Variants in NELL2 observed in about 807,000 individuals in gnomAD.
NELL2 encodes the protein neural EGFL like 2.
NELL2 carries 41 observed loss-of-function variants against 109.6 expected under a neutral mutation model. The observed-to-expected ratio is 0.37, with a 90% CI of 0.29 to 0.49. NELL2 has a LOEUF of 0.49. Ranked by LOEUF, NELL2 falls within the 20% of genes least tolerant of loss-of-function variation. NELL2 has a pLI of 0.98. For synonymous variants in NELL2, 355 were observed against 344.7 expected (o/e 1.03, Z -0.33); for missense variants, 900 against 1,008.3 (o/e 0.89, Z 1.45).
chr12:44,875,802 T>G lies in NELL2; in HGVS notation c.55+13A>C. 6.2e-7 allele frequency: 1 copy of G among 1,613,402 alleles called. No homozygotes were observed. The highest frequency in any genetic ancestry group is 8.5e-7 in the Non-Finnish European group (1 of 1,180,012). On this transcript the variant is annotated intron_variant, in intron 1 of 19. Transcript: ENST00000429094. ...CCATCCCTTTCCCCAGCCCCAGCTC[T>G]GCGGCCACTCACCTGCTCCGAGACC...
intron 3 of NELL2, among the ~76,000 whole-genome samples, chr12:44,799,451 A>T (rs1013978887): frequency 1.3e-5 from 2 of 152,132 alleles, no homozygotes; most frequent in Non-Finnish European, 2.9e-5. Flanking sequence ...TGAAAAAAAT[A>T]AAGAAGTATA....
At chr12:44,893,929 T>C (rs535046105) in intron 1 of NELL2, among the ~76,000 whole-genome samples, 1 of 152,314 alleles carries the variant, frequency 6.6e-6, no homozygotes, top group East Asian at 1.9e-4. Flanking sequence ...TTTAAATTTA[T>C]GTTTATAAAG....
chr12:44,744,937 T>A (rs974630404), intron 9 of NELL2, among the ~76,000 whole-genome samples: 1 of 152,178 alleles, frequency 6.6e-6, no homozygotes, highest in African/African-American at 2.4e-5. Flanking sequence ...GAGGGAATCC[T>A]CCCTAACTCA....
chr12:44,769,951 C>A (rs1335797336), intron 9 of NELL2, among the ~76,000 whole-genome samples: 1 of 152,096 alleles, frequency 6.6e-6, no homozygotes, highest in Non-Finnish European at 1.5e-5. Context: ...GGGTTTCAAC[C>A]TTGATTAAGA....
At chr12:44,817,261 G>T (rs1051421504) in intron 2 of NELL2, among the ~76,000 whole-genome samples, 1 of 152,150 alleles carries the variant, frequency 6.6e-6, no homozygotes, top group Non-Finnish European at 1.5e-5. Flanking sequence ...ACTTAGTTGG[G>T]AATCACAACC....
intron 3 of NELL2, among the ~76,000 whole-genome samples, chr12:44,814,816 C>T (rs1943288591): frequency 6.6e-6 from 1 of 152,202 alleles, no homozygotes; most frequent in Non-Finnish European, 1.5e-5. Context: ...CTTACGTTTG[C>T]TCTTTAGTAT....
chr12:44,822,055 C>T (rs1044056336), intron 2 of NELL2, among the ~76,000 whole-genome samples: 22 of 151,830 alleles, frequency 1.4e-4, no homozygotes, highest in Non-Finnish European at 2.5e-4. Flanking sequence ...CATGAGCCAC[C>T]GCATCTGGCA....
chr12:44,681,816 A>G (rs1948519472), intron 12 of NELL2, among the ~76,000 whole-genome samples: 2 of 151,916 alleles, frequency 1.3e-5, no homozygotes, highest in Non-Finnish European at 2.9e-5. Context: ...CCAGTCTATC[A>G]TTGTTGGACA....
chr12:44,599,959 CG>C, intron 15 of NELL2, among the ~76,000 whole-genome samples: 1 of 131,694 alleles, frequency 7.6e-6, no homozygotes, highest in East Asian at 2.4e-4. Flanking sequence ...CCTAGAATTC[CG>C]TTTTTTTTTT....
chr12:44,590,436 AT>A (rs1178860306), intron 15 of NELL2, among the ~76,000 whole-genome samples: 1 of 152,192 alleles, frequency 6.6e-6, no homozygotes, highest in Non-Finnish European at 1.5e-5. Flanking sequence ...GATCTAGTCC[AT>A]ACAGGTTATA....
chr12:44,842,109 G>GAGGAAGGAAGGAAGGAAGGAAGGAAGGA (rs1204151112), intron 2 of NELL2, among the ~76,000 whole-genome samples: 1 of 38,712 alleles, frequency 2.6e-5, no homozygotes, highest in Non-Finnish European at 5.3e-5. Context: ...GGGAGGGAGG[G>GAGGAAGGAAGGAAGGAAGGAAGGAAGGA]AGGAAGGAAG....
chr12:44,861,360 C>T (rs1448849924), intron 2 of NELL2, among the ~76,000 whole-genome samples: 1 of 152,204 alleles, frequency 6.6e-6, no homozygotes, highest in South Asian at 2.1e-4. Flanking sequence ...AGCCTCCAAA[C>T]CCATTCTAGT....
intron 15 of NELL2, among the ~76,000 whole-genome samples, chr12:44,563,732 G>T (rs1043540724): frequency 5.9e-5 from 9 of 152,100 alleles, no homozygotes; most frequent in African/African-American, 1.9e-4. Context: ...TGAAAATACG[G>T]AACTGTCAGT....
chr12:44,875,549 C>T (rs754330322), intron 1 of NELL2, 196 bp from the exon 2 acceptor site: 11 of 1,613,840 alleles, frequency 6.8e-6, no homozygotes, highest in Admixed American at 1.7e-5. Context: ...GCACCCAGTC[C>T]CGTTTCCATG....
At chr12:44,596,424 T>A (rs753988331) in intron 15 of NELL2, among the ~76,000 whole-genome samples, 13 of 152,162 alleles carry the variant, frequency 8.5e-5, no homozygotes, top group Non-Finnish European at 1.6e-4. Flanking sequence ...AATTACTTAA[T>A]CTTTTTCAAC....
intron 2 of NELL2, among the ~76,000 whole-genome samples, chr12:44,866,166 A>G (rs1944994126): frequency 1.3e-5 from 2 of 152,226 alleles, no homozygotes; most frequent in East Asian, 3.8e-4. Flanking sequence ...CCAGACACCA[A>G]ATCTGCTGGC....
At chr12:44,746,703 C>G (rs1284105025) in intron 9 of NELL2, among the ~76,000 whole-genome samples, 1 of 152,166 alleles carries the variant, frequency 6.6e-6, no homozygotes, top group African/African-American at 2.4e-5. Flanking sequence ...AAAAAATGCT[C>G]ATCATCACTG....
chr12:44,745,527 T>G (rs553703374), intron 9 of NELL2, among the ~76,000 whole-genome samples: 22 of 152,258 alleles, frequency 1.4e-4, no homozygotes, highest in African/African-American at 4.8e-4. Context: ...GTTTGCAGAT[T>G]ACATGATTGT....
At chr12:44,875,062 C>T in intron 2 of NELL2, 163 bp downstream of exon 2, 1 of 959,344 alleles carries the variant, frequency 1.0e-6, no homozygotes, top group Non-Finnish European at 1.5e-6. Context: ...GAAAAAACCA[C>T]TTAAAAGAGA....
Sources: allele counts gnomAD v4.1 joint callset (sites outside exome capture counted in the v4.1 genomes callset), GRCh38; gene constraint gnomAD v4.1.1; transcripts MANE v1.5; gene names NCBI Gene and HGNC (gene_info 2026-07-23, HGNC 2026-07-21).